Variants in CSTPP1 observed in about 807,000 individuals in gnomAD.
The protein encoded by CSTPP1 is UPF0705 protein C11orf49.
At chr11:47,123,684 C>G in the CSTPP1 span, among the ~76,000 whole-genome samples, 33 of 152,320 alleles carry the variant, frequency 2.2e-4, no homozygotes, top group Middle Eastern at 3.4e-3. Flanking sequence ...CATTCCCACT[C>G]TGCTAGCAAG....
the CSTPP1 span, among the ~76,000 whole-genome samples, chr11:47,053,487 C>T: frequency 5.0e-4 from 76 of 151,842 alleles, no homozygotes; most frequent in Admixed American, 1.9e-3. Context: ...GGTGTGGTGG[C>T]GCACTCCTAT....
the CSTPP1 span, among the ~76,000 whole-genome samples, chr11:47,081,152 C>G: frequency 6.6e-6 from 1 of 151,746 alleles, no homozygotes; most frequent in African/African-American, 2.4e-5. Flanking sequence ...AAATCATAAA[C>G]CTGTCAGTGC....
chr11:46,970,860 C>T, the CSTPP1 span, among the ~76,000 whole-genome samples: 1 of 152,088 alleles, frequency 6.6e-6, no homozygotes, highest in African/African-American at 2.4e-5. Flanking sequence ...AAATTAGAAT[C>T]AATCCACATG....
the CSTPP1 span, among the ~76,000 whole-genome samples, chr11:47,098,777 A>T: frequency 6.6e-6 from 1 of 152,146 alleles, no homozygotes; most frequent in Non-Finnish European, 1.5e-5. Context: ...CATTTTAAAC[A>T]ATTTTCCATA....
the CSTPP1 span, among the ~76,000 whole-genome samples, chr11:47,050,700 TC>T: frequency 6.6e-6 from 1 of 152,216 alleles, no homozygotes; most frequent in Non-Finnish European, 1.5e-5. Flanking sequence ...ATTTCAGACT[TC>T]ATTTGCTGGA....
At chr11:47,103,418 A>G in the CSTPP1 span, among the ~76,000 whole-genome samples, 1 of 150,732 alleles carries the variant, frequency 6.6e-6, no homozygotes, top group Non-Finnish European at 1.5e-5. Flanking sequence ...AAAAAAATGT[A>G]CAGAATCAAA....
the CSTPP1 span, among the ~76,000 whole-genome samples, chr11:47,085,160 C>T: frequency 6.6e-6 from 1 of 152,082 alleles, no homozygotes; most frequent in Admixed American, 6.5e-5. Context: ...GCCAAGATCA[C>T]GCCACTGCAC....
chr11:47,119,197 G>A, the CSTPP1 span, among the ~76,000 whole-genome samples: 2 of 152,352 alleles, frequency 1.3e-5, no homozygotes, highest in South Asian at 2.1e-4. Context: ...CTGCCGCCTC[G>A]CAGATCAATC....
chr11:47,159,132 C>T, the CSTPP1 span, among the ~76,000 whole-genome samples: 1 of 152,216 alleles, frequency 6.6e-6, no homozygotes, highest in African/African-American at 2.4e-5. Context: ...TATTCTGAGT[C>T]AGTGCTTGGG....
chr11:47,051,534 T>C, the CSTPP1 span, among the ~76,000 whole-genome samples: 1 of 152,100 alleles, frequency 6.6e-6, no homozygotes, highest in Non-Finnish European at 1.5e-5. Context: ...ACCCTTTATA[T>C]CCTTTGGCAC....
the CSTPP1 span, chr11:47,041,152 G>C: frequency 9.9e-6 from 2 of 201,048 alleles, 1 homozygote; most frequent in Non-Finnish European, 2.2e-5. Context: ...AGTGTTCTCC[G>C]TCTGGTTCAG....
the CSTPP1 span, chr11:47,041,595 G>A: frequency 2.5e-6 from 1 of 404,996 alleles, no homozygotes; most frequent in East Asian, 4.6e-5. Context: ...CGGGAAAGGC[G>A]CTCATGGCTT....
At chr11:46,942,168 T>C in the CSTPP1 span, among the ~76,000 whole-genome samples, 1 of 152,188 alleles carries the variant, frequency 6.6e-6, no homozygotes, top group African/African-American at 2.4e-5. Flanking sequence ...GTCATCAGAA[T>C]GTAGTGATAA....
the CSTPP1 span, among the ~76,000 whole-genome samples, chr11:47,015,334 CAT>C: frequency 1.5e-4 from 22 of 151,688 alleles, no homozygotes. Flanking sequence ...ATTAGCCAGG[CAT>C]GGTGGTGCGC....
chr11:46,955,993 C>T, the CSTPP1 span, among the ~76,000 whole-genome samples: 46 of 147,374 alleles, frequency 3.1e-4, no homozygotes, highest in Middle Eastern at 0.014. Context: ...TCCACCCCCC[C>T]CCCCCCACCA....
the CSTPP1 span, among the ~76,000 whole-genome samples, chr11:47,004,155 GGTTT>G: frequency 6.7e-6 from 1 of 149,748 alleles, no homozygotes; most frequent in East Asian, 1.9e-4. Context: ...TGTTGTTACT[GGTTT>G]GTTTTTGTTT....
chr11:47,160,299 CAA>C, the CSTPP1 span: 54,404 of 101,560 alleles, frequency 0.54, 13,504 homozygotes, highest in East Asian at 0.75. Flanking sequence ...AACTCTGTCT[CAA>C]AAAAAAAAAA....
the CSTPP1 span, among the ~76,000 whole-genome samples, chr11:46,994,450 G>C: frequency 1.3e-5 from 2 of 152,042 alleles, no homozygotes; most frequent in Non-Finnish European, 2.9e-5. Flanking sequence ...GATACACCCC[G>C]TCAATACCTG....
At chr11:46,967,969 G>T in the CSTPP1 span, among the ~76,000 whole-genome samples, 1 of 151,962 alleles carries the variant, frequency 6.6e-6, no homozygotes, top group Non-Finnish European at 1.5e-5. Flanking sequence ...GAGGAGATTG[G>T]CTTTATAGGT....
Sources: gnomAD v4.1 joint callset for allele counts (sites outside exome capture counted in the v4.1 genomes callset) on GRCh38, gnomAD v4.1.1 for gene constraint, MANE v1.5 for transcripts, NCBI Gene and HGNC (gene_info 2026-07-23, HGNC 2026-07-21) for gene names.